Variants in BRINP3 observed in about 807,000 individuals in gnomAD.
BRINP3 encodes BMP/retinoic acid-inducible neural-specific protein 3.
BRINP3 carries 19 observed loss-of-function variants against 71.0 expected under a neutral mutation model. The ratio of observed to expected loss-of-function variants is 0.27; its 90% CI spans 0.19 to 0.39. BRINP3 has a LOEUF of 0.39. Ranked by LOEUF, BRINP3 falls within the 10% of genes least tolerant of loss-of-function variation. BRINP3 has a pLI of 1.00. For synonymous variants in BRINP3, 380 were observed against 337.7 expected (o/e 1.13, Z -1.37); for missense variants, 959 against 940.8 (o/e 1.02, Z -0.25).
At chr1:190,153,671 A>G (rs1385885857) in intron 7 of BRINP3, among the ~76,000 whole-genome samples, 4 of 152,210 alleles carry the variant, frequency 2.6e-5, no homozygotes, top group Non-Finnish European at 4.4e-5. Context: ...ATATAAATGC[A>G]ATTTTTAACT....
intron 4 of BRINP3, among the ~76,000 whole-genome samples, chr1:190,259,285 T>C (rs1282463963): frequency 2.0e-5 from 3 of 150,702 alleles, no homozygotes; most frequent in African/African-American, 4.9e-5. Context: ...AAAAGAAATA[T>C]ACACATTGAC....
At chr1:190,247,272 CG>C (rs1447209296) in intron 4 of BRINP3, among the ~76,000 whole-genome samples, 2 of 151,748 alleles carry the variant, frequency 1.3e-5, no homozygotes, top group Non-Finnish European at 2.9e-5. Flanking sequence ...CAGATATAAA[CG>C]TTAAAATAAT....
intron 1 of BRINP3, among the ~76,000 whole-genome samples, chr1:190,462,099 A>G (rs940304499): frequency 2.6e-5 from 4 of 152,044 alleles, no homozygotes; most frequent in Non-Finnish European, 4.4e-5. Context: ...TTTAGTAGAG[A>G]TGGGATTTCA....
At chr1:190,460,987 A>T (rs1676358416) in intron 1 of BRINP3, among the ~76,000 whole-genome samples, 3 of 152,188 alleles carry the variant, frequency 2.0e-5, no homozygotes, top group Admixed American at 2.0e-4. Flanking sequence ...CAATAGCTTC[A>T]TGACTAGTTT....
At chr1:190,391,521 T>A (rs1336414375) in intron 2 of BRINP3, among the ~76,000 whole-genome samples, 1 of 151,760 alleles carries the variant, frequency 6.6e-6, no homozygotes. Context: ...TTAACTATTA[T>A]AAAACAAACA....
intron 2 of BRINP3, among the ~76,000 whole-genome samples, chr1:190,313,053 A>G (rs1412617310): frequency 6.6e-6 from 1 of 151,956 alleles, no homozygotes; most frequent in African/African-American, 2.4e-5. Context: ...ACTTTTAACC[A>G]ATACATTCTT....
Position 190,098,115 on chromosome 1 carries a change from G to A in BRINP3, c.2204C>T (p.Ser735Phe). The A allele has an allele frequency of 6.2e-7, 1 of 1,614,132 alleles. No homozygotes were observed. Among genetic ancestry groups the A allele is most frequent in the Non-Finnish European group, 8.5e-7 (1 of 1,180,024 alleles). The stretch of plus-strand genomic sequence containing the variant: ...TTGGATCCTCACCACCTCACTAGTA[G>A]ACAGCTTGAGTCTATGACGAAGCAA... Reference protein sequence around the residue: ...SCLLRHRLKLSTSEVVRIQSA... With the variant: ...SCLLRHRLKLFTSEVVRIQSA... The change falls in exon 8 of 8, where the codon TCT (serine) becomes TTT (phenylalanine). Residue 735 changes from serine to phenylalanine, a missense_variant. Physicochemically the swap from Ser to Phe is radical, Grantham distance 155 (BLOSUM62 -2). Coordinates refer to ENST00000367462, the MANE Select transcript of BRINP3 (RefSeq NM_199051.3).
In BRINP3 at chr1:190,241,465, T is replaced by TTC. The variant is rs151215200; in HGVS notation, c.619-6990_619-6989dup. Among the ~76,000 whole-genome samples, 664 of 149,078 alleles carry TTC rather than the reference T, an allele frequency of 4.5e-3. 6 individuals are homozygous for TTC. The highest frequency in any genetic ancestry group is 0.014 in the African/African-American group (564 of 40,910). On this transcript the variant is annotated intron_variant, in intron 4 of 7. Transcript: ENST00000367462. ...TGCTTGGCTTAATCAATGTAATTAA[T>TTC]TCTCTCTCTCTCTCTCTCTCTGGCA... is the stretch of plus-strand genomic sequence containing the variant.
chr1:190,161,864 C>T (rs575354699), intron 6 of BRINP3, among the ~76,000 whole-genome samples: 31 of 152,214 alleles, frequency 2.0e-4, no homozygotes, highest in Admixed American at 6.6e-4. Flanking sequence ...AGATATTACA[C>T]TCAGTGAAAT....
At chr1:190,165,968 G>GA (rs1651498615) in intron 6 of BRINP3, among the ~76,000 whole-genome samples, 1 of 152,232 alleles carries the variant, frequency 6.6e-6, no homozygotes, top group Non-Finnish European at 1.5e-5. Context: ...AGAACTGGTA[G>GA]ATTTTTTACT....
At chr1:190,388,703 C>G (rs1384158486) in intron 2 of BRINP3, among the ~76,000 whole-genome samples, 1 of 151,672 alleles carries the variant, frequency 6.6e-6, no homozygotes, top group Admixed American at 6.6e-5. Context: ...TTTATGCCAC[C>G]CAGTTTGTGA....
chr1:190,291,302 C>CA (rs771320091), intron 2 of BRINP3, among the ~76,000 whole-genome samples: 33 of 152,076 alleles, frequency 2.2e-4, no homozygotes, highest in Middle Eastern at 3.4e-3. Flanking sequence ...GCAGAGAACA[C>CA]AAGCACAGAC....
chr1:190,426,955 G>A (rs1014465204), intron 2 of BRINP3, among the ~76,000 whole-genome samples: 1 of 151,738 alleles, frequency 6.6e-6, no homozygotes, highest in Non-Finnish European at 1.5e-5. Flanking sequence ...AGCCAGTTCT[G>A]CCTGTAACAT....
intron 4 of BRINP3, among the ~76,000 whole-genome samples, chr1:190,258,352 A>T (rs1294049792): frequency 6.6e-6 from 1 of 151,988 alleles, no homozygotes; most frequent in African/African-American, 2.4e-5. Flanking sequence ...AAAACGGGAC[A>T]CTCCCACCCA....
intron 7 of BRINP3, among the ~76,000 whole-genome samples, chr1:190,102,602 G>T (rs1189478482): frequency 1.3e-5 from 2 of 151,684 alleles, no homozygotes; most frequent in Non-Finnish European, 2.9e-5. Flanking sequence ...CTAAATAAAA[G>T]AAGGAAAAAA....
intron 3 of BRINP3, among the ~76,000 whole-genome samples, chr1:190,276,951 T>C (rs1226613830): frequency 6.7e-6 from 1 of 149,896 alleles, no homozygotes; most frequent in Non-Finnish European, 1.5e-5. Context: ...TATAGCTTTT[T>C]AAATTGTACA....
chr1:190,139,795 G>A (rs1179401250), intron 7 of BRINP3, among the ~76,000 whole-genome samples: 2 of 152,246 alleles, frequency 1.3e-5, no homozygotes, highest in Middle Eastern at 3.4e-3. Flanking sequence ...GCAACATTTA[G>A]TGTTACCTTT....
intron 6 of BRINP3, among the ~76,000 whole-genome samples, chr1:190,209,029 T>C (rs1430365184): frequency 6.6e-6 from 1 of 152,134 alleles, no homozygotes; most frequent in Non-Finnish European, 1.5e-5. Flanking sequence ...TTAAACTCCT[T>C]ATATTATGCA....
chr1:190,426,152 T>A (rs1404945537), intron 2 of BRINP3, among the ~76,000 whole-genome samples: 1 of 151,794 alleles, frequency 6.6e-6, no homozygotes, highest in African/African-American at 2.4e-5. Context: ...AAAAAATATA[T>A]ATCCAAAGGC....
Sources: allele counts gnomAD v4.1 joint callset (sites outside exome capture counted in the v4.1 genomes callset), GRCh38; gene constraint gnomAD v4.1.1; transcripts MANE v1.5; gene names NCBI Gene and HGNC (gene_info 2026-07-23, HGNC 2026-07-21).